BNC2: variants seen among roughly 807,000 people sequenced by gnomAD.
The protein encoded by BNC2 is zinc finger protein basonuclin-2.
BNC2 carries 20 observed loss-of-function variants against 76.3 expected under a neutral mutation model. The observed-to-expected ratio is 0.26, with a 90% CI of 0.18 to 0.38. The LOEUF (loss-of-function observed/expected upper bound fraction) is 0.38, where lower values mean the gene tolerates loss of function less well. Among genes scored for constraint, BNC2 ranks in the 10% least tolerant of loss-of-function variants. The pLI is 1.00. For missense variants in BNC2, 1,382 were observed against 1,399.8 expected, an observed-to-expected ratio of 0.99 and a Z score of 0.20; for synonymous variants, 582 against 514.8, an observed-to-expected ratio of 1.13 and a Z score of -1.77.
chr9:16,574,838 C>T (rs1459739811), intron 4 of BNC2, among the ~76,000 whole-genome samples: 1 of 152,160 alleles, frequency 6.6e-6, no homozygotes, highest in African/African-American at 2.4e-5. Flanking sequence ...TATTTAGATG[C>T]ATTGCTATTA....
At chr9:16,733,625 G>C (rs1483923605) in intron 2 of BNC2, among the ~76,000 whole-genome samples, 1 of 152,120 alleles carries the variant, frequency 6.6e-6, no homozygotes, top group Non-Finnish European at 1.5e-5. Context: ...TGTTGGCATG[G>C]AGCGGGGAGA....
chr9:16,870,313 C>T (rs978676141), intron 1 of BNC2, among the ~76,000 whole-genome samples: 1 of 152,122 alleles, frequency 6.6e-6, no homozygotes, highest in South Asian at 2.1e-4. Context: ...CCGTCCCCAA[C>T]GCCCTGGAGC....
intron 3 of BNC2, among the ~76,000 whole-genome samples, chr9:16,678,509 A>C (rs530354766): frequency 4.4e-4 from 66 of 151,620 alleles, no homozygotes; most frequent in Middle Eastern, 3.4e-3. Context: ...GACTCAGGCA[A>C]TCCGCCCACC....
At chr9:16,516,034 G>A (rs1284487464) in intron 5 of BNC2, among the ~76,000 whole-genome samples, 2 of 151,944 alleles carry the variant, frequency 1.3e-5, no homozygotes, top group Non-Finnish European at 1.5e-5. Context: ...GTAAGAGACT[G>A]TAGCTGATTC....
chr9:16,746,269 G>C (rs1317833134), intron 1 of BNC2, among the ~76,000 whole-genome samples: 3 of 152,188 alleles, frequency 2.0e-5, no homozygotes, highest in Admixed American at 1.3e-4. Flanking sequence ...TTACAAGCCA[G>C]TTGACTTCAT....
At chr9:16,695,535 C>T (rs73646154) in intron 3 of BNC2, among the ~76,000 whole-genome samples, 6 of 127,016 alleles carry the variant, frequency 4.7e-5, no homozygotes, top group African/African-American at 5.7e-5. Flanking sequence ...CTTTTTCTTT[C>T]TTTTTTTTTT....
At chr9:16,850,032 A>G (rs2136149368) in intron 1 of BNC2, among the ~76,000 whole-genome samples, 1 of 152,300 alleles carries the variant, frequency 6.6e-6, no homozygotes, top group South Asian at 2.1e-4. Context: ...CTCAACTAAA[A>G]AAACAGACTA....
chr9:16,594,682 C>T (rs1415474), intron 3 of BNC2, among the ~76,000 whole-genome samples: 22,588 of 151,954 alleles, frequency 0.15, 3,100 homozygotes, highest in African/African-American at 0.36. Flanking sequence ...GCTTGCATAA[C>T]ATTTCAAATA....
intron 1 of BNC2, among the ~76,000 whole-genome samples, chr9:16,848,120 C>T (rs930930096): frequency 2.6e-5 from 4 of 152,158 alleles, no homozygotes; most frequent in African/African-American, 7.2e-5. Flanking sequence ...GCTGCCTTTT[C>T]CCTTAGTATC....
Position 16,437,463 on chromosome 9 carries a change from G to C in BNC2, c.731C>G (p.Thr244Ser). 1 of 1,613,728 alleles carries C rather than the reference G, an allele frequency of 6.2e-7. No individual in the cohort carries two copies. The highest frequency in any genetic ancestry group is 8.5e-7 in the Non-Finnish European group (1 of 1,179,936). ...AIMSREEEII[T>S]LQQFLRFGET... is the part of the protein sequence containing the mutation. ...TCCAAACCGCAGAAACTGCTGAAGG[G>C]TGATGATTTCCTCTTCTCGAGACAT... Residue 244 changes from threonine to serine, a missense_variant, in exon 6 of 7, where the codon ACC (threonine) becomes AGC (serine). Transcript: ENST00000380672.
chr9:16,758,978 T>C (rs1280732686), intron 1 of BNC2, among the ~76,000 whole-genome samples: 2 of 152,216 alleles, frequency 1.3e-5, no homozygotes, highest in Non-Finnish European at 2.9e-5. Context: ...AAAGTTCATG[T>C]TTTTGTTATA....
At chr9:16,634,833 GC>G (rs1821274794) in intron 3 of BNC2, among the ~76,000 whole-genome samples, 1 of 151,890 alleles carries the variant, frequency 6.6e-6, no homozygotes. Flanking sequence ...CAAAGTCTGA[GC>G]CCAAGAAGCA....
chr9:16,536,150 T>TA (rs201516211), intron 5 of BNC2, among the ~76,000 whole-genome samples: 11 of 151,644 alleles, frequency 7.3e-5, no homozygotes, highest in Admixed American at 2.0e-4. Context: ...TTACTCACTT[T>TA]AAAAAAAAAT....
chr9:16,649,851 G>A (rs900527901), intron 3 of BNC2, among the ~76,000 whole-genome samples: 7 of 152,080 alleles, frequency 4.6e-5, no homozygotes, highest in African/African-American at 7.2e-5. Context: ...AAGATCATTC[G>A]CTCAGTAGTA....
At chr9:16,591,311 G>T (rs1819923230) in intron 3 of BNC2, among the ~76,000 whole-genome samples, 1 of 152,138 alleles carries the variant, frequency 6.6e-6, no homozygotes, top group Admixed American at 6.6e-5. Context: ...CATCTATGAC[G>T]AATGTAAAAG....
At chr9:16,455,172 A>G (rs960438153) in intron 5 of BNC2, among the ~76,000 whole-genome samples, 2 of 152,222 alleles carry the variant, frequency 1.3e-5, no homozygotes, top group South Asian at 2.1e-4. Context: ...GTGAAACTGA[A>G]TATTAGCACA....
At chr9:16,442,951 C>G (rs185793678) in intron 5 of BNC2, among the ~76,000 whole-genome samples, 154 of 148,170 alleles carry the variant, frequency 1.0e-3, no homozygotes, top group African/African-American at 3.8e-3. Context: ...ACTAAAAATA[C>G]AAAAAAATTA....
chr9:16,631,172 A>C (rs1821150507), intron 3 of BNC2, among the ~76,000 whole-genome samples: 1 of 152,196 alleles, frequency 6.6e-6, no homozygotes, highest in African/African-American at 2.4e-5. Flanking sequence ...CCCGATACCC[A>C]GTTTCCCAAG....
chr9:16,525,636 A>T (rs988748344), intron 5 of BNC2, among the ~76,000 whole-genome samples: 36 of 152,218 alleles, frequency 2.4e-4, no homozygotes, highest in African/African-American at 8.4e-4. Flanking sequence ...TAGGCACACA[A>T]ATTACGATAC....
Sources: gnomAD v4.1 joint callset for allele counts (sites outside exome capture counted in the v4.1 genomes callset) on GRCh38, gnomAD v4.1.1 for gene constraint, MANE v1.5 for transcripts, NCBI Gene and HGNC (gene_info 2026-07-23, HGNC 2026-07-21) for gene names.